TMEM178B: variants seen among roughly 807,000 people sequenced by gnomAD.
TMEM178B encodes transmembrane protein 178B.
In TMEM178B, 5 loss-of-function variants were observed where a neutral mutation model predicts 31.0. The observed-to-expected ratio is 0.16, with a 90% CI of 0.08 to 0.34. The LOEUF is 0.34. Among genes scored for constraint, TMEM178B ranks in the 10% least tolerant of loss-of-function variants. TMEM178B has a pLI of 1.00. For missense variants in TMEM178B, 275 were observed against 400.3 expected (o/e 0.69, Z 2.67); for synonymous variants, 164 against 164.0 (o/e 1.00, Z 0.00).
At chr7:141,118,344 T>C (rs1057473106) in intron 1 of TMEM178B, among the ~76,000 whole-genome samples, 10 of 152,234 alleles carry the variant, frequency 6.6e-5, no homozygotes, top group African/African-American at 2.4e-4. Context: ...TTCAGGCAGC[T>C]GGGTTTCAAT....
At chr7:141,354,145 C>A (rs1396707471) in intron 2 of TMEM178B, among the ~76,000 whole-genome samples, 1 of 152,214 alleles carries the variant, frequency 6.6e-6, no homozygotes, top group Non-Finnish European at 1.5e-5. Context: ...TTTTAGCCCA[C>A]TCTTGGGCTC....
chr7:141,246,686 C>T (rs1381463785), intron 2 of TMEM178B, among the ~76,000 whole-genome samples: 2 of 151,604 alleles, frequency 1.3e-5, no homozygotes, highest in East Asian at 1.9e-4. Flanking sequence ...TAAGCAAAGG[C>T]GTAGAGGTGG....
At chr7:141,157,110 G>A (rs1460105081) in intron 1 of TMEM178B, among the ~76,000 whole-genome samples, 1 of 152,102 alleles carries the variant, frequency 6.6e-6, no homozygotes, top group African/African-American at 2.4e-5. Context: ...CTGGAGGCCT[G>A]GGGGAGCTGA....
chr7:141,491,328 C>T, the TMEM178B span, among the ~76,000 whole-genome samples: 1,130 of 152,252 alleles, frequency 7.4e-3, 16 homozygotes, highest in African/African-American at 0.025. Context: ...TCACTGAGCC[C>T]AGCCAAAACT....
At chr7:141,395,023 G>A (rs561186671) in intron 2 of TMEM178B, among the ~76,000 whole-genome samples, 33 of 152,192 alleles carry the variant, frequency 2.2e-4, no homozygotes, top group African/African-American at 7.5e-4. Context: ...GTACCCTGCC[G>A]CCTCTTCACC....
chr7:141,478,083 C>G lies in TMEM178B; in HGVS notation c.*7297C>G, dbSNP rs888784627. On this transcript the variant is annotated 3_prime_UTR_variant, in exon 4 of 4. Coordinates refer to ENST00000565468, the MANE Select transcript of TMEM178B (RefSeq NM_001195278.2). ...GCTTGCAGTGTCAGAAGCAGGGAGT[C>G]TGGCCAAGGGTTGCTACCAAATAAG... The G allele has an allele frequency of 6.5e-6, 1 of 152,772 alleles. No homozygotes were observed. Among genetic ancestry groups the G allele is most frequent in the African/African-American group, 2.4e-5 (1 of 41,434 alleles). 9.5% of individuals were successfully genotyped at this position (152,772 alleles called of 1,614,324 possible).
At chr7:141,079,906 G>A (rs1057109375) in intron 1 of TMEM178B, among the ~76,000 whole-genome samples, 2 of 152,200 alleles carry the variant, frequency 1.3e-5, no homozygotes, top group Admixed American at 1.3e-4. Flanking sequence ...CAGTTAGTTA[G>A]GAAACAAAGG....
At chr7:141,220,426 G>A (rs1366340888) in intron 2 of TMEM178B, among the ~76,000 whole-genome samples, 1 of 151,934 alleles carries the variant, frequency 6.6e-6, no homozygotes, top group Non-Finnish European at 1.5e-5. Flanking sequence ...GCCTGGCTGG[G>A]GGTCAGTGAT....
intron 1 of TMEM178B, among the ~76,000 whole-genome samples, chr7:141,106,323 T>C (rs529033634): frequency 2.0e-5 from 3 of 152,302 alleles, no homozygotes; most frequent in African/African-American, 7.2e-5. Flanking sequence ...TAAGATTATT[T>C]AGGAAATCAA....
intron 1 of TMEM178B, among the ~76,000 whole-genome samples, chr7:141,193,718 CTCAGGCCCCAACTCTGG>C (rs1417083983): frequency 6.6e-6 from 1 of 152,216 alleles, no homozygotes; most frequent in Admixed American, 6.5e-5. Flanking sequence ...TGCAGCCATA[CTCAGGCCCCAACTCTGG>C]TGCCTGGACA....
chr7:141,278,597 T>A (rs577705808), intron 2 of TMEM178B, among the ~76,000 whole-genome samples: 218 of 151,708 alleles, frequency 1.4e-3, no homozygotes, highest in African/African-American at 4.7e-3. Flanking sequence ...AAATAAAAAA[T>A]AAAAAAATAA....
intron 1 of TMEM178B, among the ~76,000 whole-genome samples, chr7:141,121,363 A>G (rs1228841785): frequency 6.6e-6 from 1 of 152,148 alleles, no homozygotes; most frequent in African/African-American, 2.4e-5. Context: ...AAACACCCAC[A>G]CATGTCAGAT....
intron 1 of TMEM178B, among the ~76,000 whole-genome samples, chr7:141,170,562 C>A (rs989860611): frequency 6.6e-6 from 1 of 152,192 alleles, no homozygotes; most frequent in African/African-American, 2.4e-5. Flanking sequence ...AATTGCTCTG[C>A]AAATGATACA....
chr7:141,197,364 T>C (rs1315568908), intron 1 of TMEM178B, among the ~76,000 whole-genome samples: 1 of 152,212 alleles, frequency 6.6e-6, no homozygotes, highest in Non-Finnish European at 1.5e-5. Context: ...CCAGCACCCA[T>C]GTTCTTTATT....
intron 2 of TMEM178B, among the ~76,000 whole-genome samples, chr7:141,310,441 G>A (rs1283437569): frequency 6.6e-6 from 1 of 152,120 alleles, no homozygotes; most frequent in East Asian, 1.9e-4. Flanking sequence ...TAAATTCCAA[G>A]ATACATGTGT....
At chr7:141,436,528 G>A (rs1801544328) in intron 2 of TMEM178B, among the ~76,000 whole-genome samples, 1 of 152,130 alleles carries the variant, frequency 6.6e-6, no homozygotes, top group African/African-American at 2.4e-5. Flanking sequence ...AGGGAGCTGT[G>A]GTGGGTGTTG....
chr7:141,138,355 C>T lies in TMEM178B; in HGVS notation c.382+63663C>T, dbSNP rs566425792. On this transcript the variant is annotated intron_variant, in intron 1 of 3. Transcript: ENST00000565468. ...GGATTACAGGCATGAGCCACTGCGCCCGGCCTAAAATTCAAAATTTTAAGG... is the reference window on the plus strand; with the variant it reads ...GGATTACAGGCATGAGCCACTGCGCTCGGCCTAAAATTCAAAATTTTAAGG... Among the ~76,000 whole-genome samples, 11 of 152,172 alleles carry T rather than the reference C, an allele frequency of 7.2e-5. No homozygotes were observed. In the East Asian group the frequency reaches 2.1e-3, roughly 30 times the overall value.
intron 2 of TMEM178B, among the ~76,000 whole-genome samples, chr7:141,361,083 T>A (rs373931376): frequency 3.3e-5 from 5 of 152,312 alleles, no homozygotes; most frequent in African/African-American, 9.6e-5. Flanking sequence ...GGTAGGGGCA[T>A]CTCATGTACA....
intron 1 of TMEM178B, among the ~76,000 whole-genome samples, chr7:141,169,979 C>T (rs1206966836): frequency 6.6e-6 from 1 of 152,170 alleles, no homozygotes; most frequent in Non-Finnish European, 1.5e-5. Context: ...CAATCTTATG[C>T]AAATATTTTT....
Sources: allele counts gnomAD v4.1 joint callset (sites outside exome capture counted in the v4.1 genomes callset), GRCh38; gene constraint gnomAD v4.1.1; transcripts MANE v1.5; gene names NCBI Gene and HGNC (gene_info 2026-07-23, HGNC 2026-07-21).